The following SNTG1 variants were observed in gnomAD, a reference collection of about 807,000 sequenced individuals.
SNTG1 encodes the protein syntrophin gamma 1.
In SNTG1, 39 loss-of-function variants were observed where a neutral mutation model predicts 74.7. The observed-to-expected ratio is 0.52, with a 90% CI of 0.40 to 0.68. SNTG1 has a LOEUF of 0.68. SNTG1 is among the 30% of genes least tolerant of loss of function. SNTG1 has a pLI of 0.00. For missense variants in SNTG1, 685 were observed against 609.5 expected, an observed-to-expected ratio of 1.12 and a Z score of -1.30; for synonymous variants, 254 against 217.1, an observed-to-expected ratio of 1.17 and a Z score of -1.49.
In SNTG1 at chr8:49,919,381, T is replaced by C. The variant is rs560401112; in HGVS notation, c.-103+7150T>C. Among the ~76,000 whole-genome samples the C allele has an allele frequency of 9.9e-5, 15 of 152,200 alleles. No homozygotes were observed. The South Asian group carries it at 3.1e-3, about 32-fold the overall frequency. Reference sequence around the variant, plus strand: ...CCCAGAACACAAATGACTAGCATAGTGCAGTTTTCAGTGAAAGGGGAGACT... The same window carrying C: ...CCCAGAACACAAATGACTAGCATAGCGCAGTTTTCAGTGAAAGGGGAGACT... On this transcript the variant is annotated intron_variant, in intron 1 of 18. Transcript: ENST00000642720.
chr8:50,149,366 C>G (rs1296353838), intron 1 of SNTG1, among the ~76,000 whole-genome samples: 5 of 152,144 alleles, frequency 3.3e-5, no homozygotes, highest in Admixed American at 6.5e-5. Context: ...ATGGCAGTTT[C>G]TTTTGCTGTG....
At chr8:50,283,244 C>T (rs1393174349) in intron 2 of SNTG1, among the ~76,000 whole-genome samples, 1 of 152,100 alleles carries the variant, frequency 6.6e-6, no homozygotes, top group Non-Finnish European at 1.5e-5. Context: ...TTTATGAATC[C>T]TGCTTTTCCA....
At chr8:50,059,478 C>A (rs1442170520) in intron 1 of SNTG1, among the ~76,000 whole-genome samples, 1 of 152,016 alleles carries the variant, frequency 6.6e-6, no homozygotes, top group Non-Finnish European at 1.5e-5. Context: ...AAACACTATA[C>A]CTCTAAACAT....
intron 13 of SNTG1, among the ~76,000 whole-genome samples, chr8:50,635,511 G>A (rs1425401261): frequency 6.6e-6 from 1 of 152,164 alleles, no homozygotes; most frequent in Non-Finnish European, 1.5e-5. Flanking sequence ...GCAAGACAAA[G>A]TCCTTTCACT....
At chr8:50,099,545 T>C (rs574563942) in intron 1 of SNTG1, among the ~76,000 whole-genome samples, 1 of 152,154 alleles carries the variant, frequency 6.6e-6, no homozygotes, top group African/African-American at 2.4e-5. Context: ...TAGATCTATA[T>C]GCAGCTTCTT....
intron 2 of SNTG1, among the ~76,000 whole-genome samples, chr8:50,316,400 C>T (rs937812051): frequency 1.2e-4 from 19 of 152,180 alleles, no homozygotes; most frequent in African/African-American, 4.3e-4. Context: ...ACACGTCTGT[C>T]GGAAAGAGGA....
At chr8:50,278,794 G>C (rs1247673563) in intron 2 of SNTG1, among the ~76,000 whole-genome samples, 2 of 151,728 alleles carry the variant, frequency 1.3e-5, no homozygotes, top group Non-Finnish European at 2.9e-5. Flanking sequence ...CTTTCAATTA[G>C]CCACAGTGTT....
At chr8:50,768,472 G>A (rs548041686) in intron 18 of SNTG1, among the ~76,000 whole-genome samples, 8 of 152,092 alleles carry the variant, frequency 5.3e-5, no homozygotes, top group South Asian at 4.1e-4. Flanking sequence ...GAAGATGGCT[G>A]GTAATCTAAA....
chr8:50,293,839 C>G (rs2089242472), intron 2 of SNTG1, among the ~76,000 whole-genome samples: 1 of 151,892 alleles, frequency 6.6e-6, no homozygotes, highest in Admixed American at 6.6e-5. Flanking sequence ...AGCACTTAGA[C>G]CACACAAATC....
At chr8:50,063,581 C>G (rs898019841) in intron 1 of SNTG1, among the ~76,000 whole-genome samples, 1 of 152,158 alleles carries the variant, frequency 6.6e-6, no homozygotes, top group South Asian at 2.1e-4. Context: ...TCATTGTCAT[C>G]TCTTCTTTTG....
rs140866964 is a variant in SNTG1 at position 50,405,617 on chromosome 8, T to C, written c.162+3273T>C. On this transcript the variant is annotated intron_variant, in intron 4 of 18. Transcript: ENST00000642720. ...GTGGATTGCCTTTTTACTCTATTAGTATTTTTGATGCACAAAAGTTTTTAA... is the reference window on the plus strand; with the variant it reads ...GTGGATTGCCTTTTTACTCTATTAGCATTTTTGATGCACAAAAGTTTTTAA... Among the ~76,000 whole-genome samples, 50 of 152,244 alleles carry C rather than the reference T, an allele frequency of 3.3e-4. No individual in the cohort carries two copies. In the East Asian group the frequency reaches 9.4e-3, roughly 29 times the overall value.
At chr8:50,600,835 A>G (rs767719871) in intron 13 of SNTG1, among the ~76,000 whole-genome samples, 7 of 150,848 alleles carry the variant, frequency 4.6e-5, no homozygotes, top group Non-Finnish European at 8.9e-5. Context: ...CCTTCTACTA[A>G]TATTGGGTTT....
At chr8:50,410,759 C>T (rs907287898) in intron 4 of SNTG1, among the ~76,000 whole-genome samples, 1 of 152,114 alleles carries the variant, frequency 6.6e-6, no homozygotes, top group African/African-American at 2.4e-5. Flanking sequence ...CGAGGTCATA[C>T]AACATTTGTC....
intron 1 of SNTG1, among the ~76,000 whole-genome samples, chr8:49,988,640 CAA>C (rs2130273328): frequency 6.6e-6 from 1 of 151,884 alleles, no homozygotes; most frequent in East Asian, 1.9e-4. Context: ...GAAAAAGAAA[CAA>C]AGAAAATTTA....
chr8:50,633,031 GA>G (rs1388453502), intron 13 of SNTG1, among the ~76,000 whole-genome samples: 1 of 152,330 alleles, frequency 6.6e-6, no homozygotes, highest in East Asian at 1.9e-4. Flanking sequence ...CTTTGCAGTA[GA>G]AATAAAGATG....
At chr8:49,979,453 T>A (rs1486133895) in intron 1 of SNTG1, among the ~76,000 whole-genome samples, 4 of 152,196 alleles carry the variant, frequency 2.6e-5, no homozygotes, top group African/African-American at 7.2e-5. Flanking sequence ...TGACAATATT[T>A]TCTTTGGGTC....
At position 50,202,261 on chromosome 8, in the gene SNTG1, G is replaced by A. The variant is rs191794797; in HGVS notation, c.-28+29626G>A. ...GTAAGTTCTATGGTTTTTGACAAATGGGTAGGGCCATGTATCCACAATTAC... is the reference window on the plus strand; with the variant it reads ...GTAAGTTCTATGGTTTTTGACAAATAGGTAGGGCCATGTATCCACAATTAC... On this transcript the variant is annotated intron_variant, in intron 2 of 18. Transcript: ENST00000642720. Among the ~76,000 whole-genome samples the A allele has an allele frequency of 2.3e-3, 352 of 152,084 alleles. 3 individuals are homozygous for A. The highest frequency in any genetic ancestry group is 8.1e-3 in the African/African-American group (336 of 41,500).
At chr8:50,736,827 G>T (rs1363840210) in intron 17 of SNTG1, among the ~76,000 whole-genome samples, 1 of 150,984 alleles carries the variant, frequency 6.6e-6, no homozygotes, top group East Asian at 2.0e-4. Flanking sequence ...ATGACTACTG[G>T]GTAAATAAAT....
intron 1 of SNTG1, among the ~76,000 whole-genome samples, chr8:50,115,403 C>T (rs997443408): frequency 6.6e-6 from 1 of 151,064 alleles, no homozygotes; most frequent in Non-Finnish European, 1.5e-5. Flanking sequence ...CCCGTCTCTA[C>T]AAAAATACAA....
Sources: gnomAD v4.1 joint callset for allele counts (sites outside exome capture counted in the v4.1 genomes callset) on GRCh38, gnomAD v4.1.1 for gene constraint, MANE v1.5 for transcripts, NCBI Gene and HGNC (gene_info 2026-07-23, HGNC 2026-07-21) for gene names.